RBFOX1: variants seen among roughly 807,000 people sequenced by gnomAD.
The protein encoded by RBFOX1 is RNA binding protein fox-1 homolog 1.
A neutral mutation model predicts 57.7 loss-of-function variants in RBFOX1; 8 were observed. The ratio of observed to expected loss-of-function variants is 0.14; its 90% CI spans 0.08 to 0.25. RBFOX1 has a LOEUF of 0.25. RBFOX1 is among the 10% of genes least tolerant of loss of function. The pLI is 1.00. For synonymous variants in RBFOX1, 326 were observed against 222.4 expected, an observed-to-expected ratio of 1.47 and a Z score of -4.15; for missense variants, 611 against 548.5, an observed-to-expected ratio of 1.11 and a Z score of -1.14.
intron 1 of RBFOX1, among the ~76,000 whole-genome samples, chr16:6,118,329 C>G (rs2096519756): frequency 6.6e-6 from 1 of 152,120 alleles, no homozygotes; most frequent in African/African-American, 2.4e-5. Flanking sequence ...TACAAAATAC[C>G]TTACATTGGG....
At chr16:7,370,942 T>C (rs909689564) in intron 4 of RBFOX1, among the ~76,000 whole-genome samples, 1 of 152,194 alleles carries the variant, frequency 6.6e-6, no homozygotes, top group African/African-American at 2.4e-5. Context: ...GGAATACTGA[T>C]GCATGGTGAC....
At chr16:5,890,709 A>AT (rs1340765799) in intron 4 of RBFOX1, among the ~76,000 whole-genome samples, 2 of 151,148 alleles carry the variant, frequency 1.3e-5, no homozygotes, top group Non-Finnish European at 3.0e-5. Context: ...AAAAAAAAAA[A>AT]AAAAAAAAAA....
At chr16:5,314,002 G>T (rs926198363) in intron 1 of RBFOX1, among the ~76,000 whole-genome samples, 4 of 152,272 alleles carry the variant, frequency 2.6e-5, no homozygotes, top group Admixed American at 2.0e-4. Context: ...CTCAAGAGGG[G>T]TCCAAAGAAC....
At chr16:5,987,581 T>A (rs2060307620) in intron 4 of RBFOX1, among the ~76,000 whole-genome samples, 1 of 152,110 alleles carries the variant, frequency 6.6e-6, no homozygotes, top group African/African-American at 2.4e-5. Flanking sequence ...CATGTGCCTG[T>A]TTTTCTAGGT....
intron 4 of RBFOX1, among the ~76,000 whole-genome samples, chr16:7,316,843 C>G (rs746533269): frequency 6.6e-6 from 1 of 151,818 alleles, no homozygotes; most frequent in Non-Finnish European, 1.5e-5. Flanking sequence ...GCTGGAAAAA[C>G]AAAGGGACCA....
intron 3 of RBFOX1, among the ~76,000 whole-genome samples, chr16:6,695,145 C>T (rs372977620): frequency 2.0e-5 from 3 of 152,000 alleles, no homozygotes; most frequent in Non-Finnish European, 2.9e-5. Context: ...AATGGCCGGG[C>T]GCAGTAGCTC....
chr16:6,856,019 C>T (rs1024731252), intron 3 of RBFOX1, among the ~76,000 whole-genome samples: 1 of 152,070 alleles, frequency 6.6e-6, no homozygotes, highest in Non-Finnish European at 1.5e-5. Flanking sequence ...CTTATATTCT[C>T]TAACTAGGGA....
In RBFOX1 at chr16:6,921,641, ATATATT is replaced by A. The variant is rs1175073775; in HGVS notation, c.-15-130414_-15-130409del. Among the ~76,000 whole-genome samples, 572 of 88,762 alleles carry A rather than the reference ATATATT, an allele frequency of 6.4e-3. 5 individuals carry two copies. The highest frequency in any genetic ancestry group is 0.021 in the Middle Eastern group (4 of 194). The allele number at this position is 88,762 out of a possible 152,430, so 58.2% of individuals were successfully genotyped here. A position where few individuals can be genotyped will look rare whatever the true frequency, so the allele number is the denominator to read the frequency against. ...TAAATTACTGTATATATATATATAT[ATATATT>A]TTTTTTTTTCTTAGGGTTGCTTTCA... On this transcript the variant is annotated intron_variant, in intron 3 of 15. Coordinates refer to ENST00000550418, the MANE Select transcript of RBFOX1 (RefSeq NM_018723.4).
At chr16:6,887,590 T>G (rs1468754543) in intron 3 of RBFOX1, among the ~76,000 whole-genome samples, 1 of 152,072 alleles carries the variant, frequency 6.6e-6, no homozygotes, top group African/African-American at 2.4e-5. Flanking sequence ...TTCTGCCATA[T>G]CACCATAGAG....
At chr16:6,931,208 C>G (rs1000891815) in intron 3 of RBFOX1, among the ~76,000 whole-genome samples, 3 of 148,038 alleles carry the variant, frequency 2.0e-5, no homozygotes, top group Non-Finnish European at 3.0e-5. Context: ...TATTTTTAAC[C>G]TCTTCTCTCT....
intron 3 of RBFOX1, among the ~76,000 whole-genome samples, chr16:6,929,433 G>C (rs142933282): frequency 6.6e-6 from 1 of 152,254 alleles, no homozygotes; most frequent in African/African-American, 2.4e-5. Context: ...GTAAACAGCA[G>C]TTCCCTGGTA....
chr16:6,554,338 A>G (rs112864801), intron 2 of RBFOX1, among the ~76,000 whole-genome samples: 1 of 152,178 alleles, frequency 6.6e-6, no homozygotes, highest in African/African-American at 2.4e-5. Flanking sequence ...TGTTGGGAAT[A>G]GGCAAGTCTA....
At chr16:7,435,846 T>G (rs1323916018) in intron 4 of RBFOX1, among the ~76,000 whole-genome samples, 1 of 152,194 alleles carries the variant, frequency 6.6e-6, no homozygotes, top group Non-Finnish European at 1.5e-5. Context: ...CTAAGTTGTG[T>G]CATAACTGTA....
intron 3 of RBFOX1, among the ~76,000 whole-genome samples, chr16:6,981,742 C>G (rs1349869261): frequency 6.6e-6 from 1 of 152,092 alleles, no homozygotes; most frequent in Non-Finnish European, 1.5e-5. Flanking sequence ...AAGACCAGCC[C>G]TCATGATTCA....
In RBFOX1 at chr16:6,735,840, A is replaced by G. The variant is rs532665844; in HGVS notation, c.-16+81190A>G. On this transcript the variant is annotated intron_variant, in intron 3 of 15. Coordinates refer to ENST00000550418, the MANE Select transcript of RBFOX1 (RefSeq NM_018723.4). ...AGGAAATGAATCCTTGAGGCGGAGC[A>G]TTGGTTACATAATTCACAGGCCCTC... is the stretch of plus-strand genomic sequence containing the variant. 2.6e-5 allele frequency among the ~76,000 whole-genome samples: 4 copies of G among 152,244 alleles called. No individual in the cohort carries two copies. In the South Asian group the frequency reaches 6.2e-4, roughly 24 times the overall value.
intron 4 of RBFOX1, among the ~76,000 whole-genome samples, chr16:7,493,070 G>T (rs1003285249): frequency 5.9e-5 from 9 of 152,134 alleles, no homozygotes; most frequent in African/African-American, 2.2e-4. Flanking sequence ...GTAGAGATGG[G>T]GTTTCACTAT....
intron 3 of RBFOX1, among the ~76,000 whole-genome samples, chr16:7,001,058 T>C (rs775238090): frequency 3.4e-4 from 51 of 152,210 alleles, no homozygotes; most frequent in Non-Finnish European, 6.5e-4. Flanking sequence ...GAAAAATCTT[T>C]TACTGATTCT....
rs564928073 is a variant in RBFOX1 at position 7,011,092 on chromosome 16, A to G, written c.-15-40965A>G. On this transcript the variant is annotated intron_variant, in intron 3 of 15. Transcript: ENST00000550418. ...CATTTTTTTTTTTTTCCTGGGTGGG[A>G]AAGGGTCACTGAAAGAAGAGAGGCC... 6.0e-5 allele frequency among the ~76,000 whole-genome samples: 9 copies of G among 149,494 alleles called. No individual in the cohort carries two copies. The South Asian group carries it at 1.9e-3, about 32-fold the overall frequency.
chr16:7,164,957 G>A lies in RBFOX1; in HGVS notation c.27+112859G>A, dbSNP rs183302094. ...ACTGGAATAGGATATGGAGTTGGCA[G>A]CGTGTATCACAGTAACCTCTCCCTG... On this transcript the variant is annotated intron_variant, in intron 4 of 15. Coordinates refer to ENST00000550418, the MANE Select transcript of RBFOX1 (RefSeq NM_018723.4). Among the ~76,000 whole-genome samples the A allele has an allele frequency of 3.3e-5, 5 of 152,280 alleles. No homozygotes were observed. In the East Asian group the frequency reaches 9.7e-4, roughly 29 times the overall value.
Sources: allele counts gnomAD v4.1 joint callset (sites outside exome capture counted in the v4.1 genomes callset), GRCh38; gene constraint gnomAD v4.1.1; transcripts MANE v1.5; gene names NCBI Gene and HGNC (gene_info 2026-07-23, HGNC 2026-07-21).